Variants in FBXL7 observed in about 807,000 individuals in gnomAD.
The protein encoded by FBXL7 is F-box/LRR-repeat protein 7.
Under a neutral mutation model 38.3 loss-of-function variants are expected in FBXL7, and 12 were observed. The observed-to-expected ratio is 0.31, with a 90% CI of 0.20 to 0.51. The LOEUF (loss-of-function observed/expected upper bound fraction) is 0.51. FBXL7 is among the 20% of genes least tolerant of loss of function. The probability of loss-of-function intolerance (pLI) is 0.98; values close to 1 mark genes in which losing one functional copy is unlikely to be tolerated. For missense variants in FBXL7, 567 were observed against 676.4 expected (o/e 0.84, Z 1.79); for synonymous variants, 297 against 300.9 (o/e 0.99, Z 0.13).
At chr5:15,699,552 C>T (rs1743459249) in intron 2 of FBXL7, among the ~76,000 whole-genome samples, 1 of 152,292 alleles carries the variant, frequency 6.6e-6, no homozygotes, top group African/African-American at 2.4e-5. Context: ...CAGCAGCAAC[C>T]GTATTTCAAA....
chr5:15,885,178 A>G (rs960432360), intron 2 of FBXL7, among the ~76,000 whole-genome samples: 1 of 152,148 alleles, frequency 6.6e-6, no homozygotes, highest in African/African-American at 2.4e-5. Context: ...GTTCTTTGCA[A>G]GTTGATGGGT....
At chr5:15,549,811 C>T (rs1738011902) in intron 1 of FBXL7, among the ~76,000 whole-genome samples, 2 of 152,174 alleles carry the variant, frequency 1.3e-5, no homozygotes, top group Admixed American at 1.3e-4. Flanking sequence ...TGCATATTGC[C>T]TCCATTTCTG....
At chr5:15,621,500 C>G (rs1474373216) in intron 2 of FBXL7, among the ~76,000 whole-genome samples, 1 of 152,090 alleles carries the variant, frequency 6.6e-6, no homozygotes, top group Non-Finnish European at 1.5e-5. Flanking sequence ...ACATCCAGCC[C>G]ATGGTTGGAA....
chr5:15,545,199 A>T (rs1229573985), intron 1 of FBXL7, among the ~76,000 whole-genome samples: 3 of 152,198 alleles, frequency 2.0e-5, no homozygotes, highest in Non-Finnish European at 4.4e-5. Flanking sequence ...ATTTTTTATC[A>T]TTGGAATTCA....
At chr5:15,784,306 A>G (rs1055579710) in intron 2 of FBXL7, among the ~76,000 whole-genome samples, 29 of 152,106 alleles carry the variant, frequency 1.9e-4, no homozygotes, top group African/African-American at 7.0e-4. Context: ...TTTTGTTATT[A>G]TGACGTTAAA....
chr5:15,693,050 A>G (rs949478706), intron 2 of FBXL7, among the ~76,000 whole-genome samples: 10 of 152,170 alleles, frequency 6.6e-5, no homozygotes, highest in Non-Finnish European at 1.5e-4. Context: ...GATTTTACTC[A>G]TTTCTATGAT....
intron 1 of FBXL7, among the ~76,000 whole-genome samples, chr5:15,526,429 G>A (rs1293497633): frequency 6.6e-6 from 1 of 152,120 alleles, no homozygotes; most frequent in Non-Finnish European, 1.5e-5. Context: ...CTGTTTGTGG[G>A]GAACAAGAAT....
At chr5:15,768,530 CAAAA>C (rs368089745) in intron 2 of FBXL7, among the ~76,000 whole-genome samples, 1 of 125,114 alleles carries the variant, frequency 8.0e-6, no homozygotes, top group Non-Finnish European at 1.7e-5. Flanking sequence ...GACTCTGTCT[CAAAA>C]AAAAAAAAGA....
At chr5:15,865,289 T>A (rs1013136081) in intron 2 of FBXL7, among the ~76,000 whole-genome samples, 2 of 152,046 alleles carry the variant, frequency 1.3e-5, no homozygotes, top group Non-Finnish European at 2.9e-5. Flanking sequence ...AAAGGAAAGG[T>A]TGCAAGGAGG....
At chr5:15,572,280 A>G (rs1009604848) in intron 1 of FBXL7, among the ~76,000 whole-genome samples, 1 of 152,076 alleles carries the variant, frequency 6.6e-6, no homozygotes, top group African/African-American at 2.4e-5. Flanking sequence ...GAAAATGGAA[A>G]TGATTTGTAA....
chr5:15,752,403 G>T lies in FBXL7; in HGVS notation c.127+136331G>T, dbSNP rs556903638. Among the ~76,000 whole-genome samples the T allele has an allele frequency of 1.3e-4, 20 of 152,288 alleles. No homozygotes were observed. In the South Asian group the frequency reaches 3.7e-3, roughly 28 times the overall value. ...GGACAGAGCTAAGTTGGTGAGAAAGGCTGGGGGCCTGTGCTTTGTCAGGTA... is the reference window on the plus strand; with the variant it reads ...GGACAGAGCTAAGTTGGTGAGAAAGTCTGGGGGCCTGTGCTTTGTCAGGTA... On this transcript the variant is annotated intron_variant, in intron 2 of 3. Transcript: ENST00000504595.
At chr5:15,927,330 C>T (rs1741901122) in intron 2 of FBXL7, among the ~76,000 whole-genome samples, 1 of 152,142 alleles carries the variant, frequency 6.6e-6, no homozygotes, top group African/African-American at 2.4e-5. Context: ...CTGGTCACTC[C>T]TGGTGCAGAC....
intron 2 of FBXL7, among the ~76,000 whole-genome samples, chr5:15,717,582 C>A (rs1443623564): frequency 1.3e-5 from 2 of 152,136 alleles, no homozygotes; most frequent in East Asian, 3.9e-4. Flanking sequence ...ACAAAAAGTT[C>A]TTGATTGCCC....
At chr5:15,845,999 G>A (rs1404722911) in intron 2 of FBXL7, among the ~76,000 whole-genome samples, 1 of 152,090 alleles carries the variant, frequency 6.6e-6, no homozygotes, top group East Asian at 1.9e-4. Flanking sequence ...ATACATAAAT[G>A]AATAAAGTAA....
chr5:15,669,197 G>C (rs1469176116), intron 2 of FBXL7, among the ~76,000 whole-genome samples: 1 of 152,140 alleles, frequency 6.6e-6, no homozygotes, highest in African/African-American at 2.4e-5. Context: ...TTTAAAAAAA[G>C]GAATGGAACT....
chr5:15,746,627 C>T (rs988901615), intron 2 of FBXL7, among the ~76,000 whole-genome samples: 1 of 151,912 alleles, frequency 6.6e-6, no homozygotes, highest in Non-Finnish European at 1.5e-5. Flanking sequence ...GGTCCCACTG[C>T]CTAAAGCCAT....
chr5:15,766,042 A>G (rs796494362), intron 2 of FBXL7, among the ~76,000 whole-genome samples: 77 of 122,096 alleles, frequency 6.3e-4, no homozygotes, highest in Admixed American at 1.2e-3. Context: ...CTGTCTGTCT[A>G]TCTACCTACC....
At chr5:15,759,921 C>G (rs1206726833) in intron 2 of FBXL7, among the ~76,000 whole-genome samples, 1 of 152,086 alleles carries the variant, frequency 6.6e-6, no homozygotes, top group Admixed American at 6.6e-5. Flanking sequence ...CACCTTTCAC[C>G]TGGAAAATTA....
intron 2 of FBXL7, among the ~76,000 whole-genome samples, chr5:15,900,284 C>G (rs1315460471): frequency 3.3e-5 from 5 of 152,150 alleles, no homozygotes; most frequent in Non-Finnish European, 5.9e-5. Context: ...AGGAAGTCAT[C>G]CTCACCACAT....
Sources: allele counts gnomAD v4.1 joint callset (sites outside exome capture counted in the v4.1 genomes callset), GRCh38; gene constraint gnomAD v4.1.1; transcripts MANE v1.5; gene names NCBI Gene and HGNC (gene_info 2026-07-23, HGNC 2026-07-21).